The following ATP8A2 variants were observed in gnomAD, a reference collection of about 807,000 sequenced individuals.
The protein encoded by ATP8A2 is ATPase phospholipid transporting 8A2, also known as phospholipid-transporting ATPase IB.
In ATP8A2, 100 loss-of-function variants were observed where a neutral mutation model predicts 165.6. The ratio of observed to expected loss-of-function variants is 0.60; its 90% CI spans 0.51 to 0.71. ATP8A2 has a LOEUF of 0.71. ATP8A2 is among the 30% of genes least tolerant of loss of function. The probability of loss-of-function intolerance (pLI) is 0.00; values close to 1 mark genes in which losing one functional copy is unlikely to be tolerated. For missense variants in ATP8A2, 1,227 were observed against 1,479.5 expected, an observed-to-expected ratio of 0.83 and a Z score of 2.80; for synonymous variants, 543 against 548.8, an observed-to-expected ratio of 0.99 and a Z score of 0.15.
At chr13:25,808,470 A>C (rs1448579777) in intron 27 of ATP8A2, among the ~76,000 whole-genome samples, 2 of 151,834 alleles carry the variant, frequency 1.3e-5, no homozygotes, top group African/African-American at 4.8e-5. Context: ...ATGGTGGTGC[A>C]TGCCTGTAAT....
At chr13:25,436,056 T>G (rs556247003) in intron 1 of ATP8A2, among the ~76,000 whole-genome samples, 3 of 151,922 alleles carry the variant, frequency 2.0e-5, no homozygotes, top group African/African-American at 7.2e-5. Context: ...GTCATAGCCA[T>G]AAAGCTTCAT....
chr13:25,706,705 G>GAACA (rs2043060895), intron 25 of ATP8A2, among the ~76,000 whole-genome samples: 1 of 152,120 alleles, frequency 6.6e-6, no homozygotes, highest in Non-Finnish European at 1.5e-5. Flanking sequence ...TCAGCATCAT[G>GAACA]AACGATTAGT....
At chr13:25,557,274 T>C (rs748126984) in intron 13 of ATP8A2, among the ~76,000 whole-genome samples, 19 of 152,210 alleles carry the variant, frequency 1.2e-4, no homozygotes, top group Non-Finnish European at 2.4e-4. Flanking sequence ...AATCCTCCCA[T>C]TGCCTTTGGG....
At chr13:25,632,694 G>C (rs1332349602) in intron 24 of ATP8A2, among the ~76,000 whole-genome samples, 3 of 152,144 alleles carry the variant, frequency 2.0e-5, no homozygotes, top group Non-Finnish European at 4.4e-5. Flanking sequence ...TGGGCCTTAG[G>C]TAAAGACAGA....
chr13:25,757,306 G>A (rs767670976), intron 25 of ATP8A2, among the ~76,000 whole-genome samples: 25 of 152,180 alleles, frequency 1.6e-4, no homozygotes, highest in East Asian at 5.8e-4. Context: ...GTGGACACAC[G>A]CGTGCTTTCC....
At chr13:25,424,845 C>A (rs755432503) in intron 1 of ATP8A2, among the ~76,000 whole-genome samples, 4 of 152,096 alleles carry the variant, frequency 2.6e-5, no homozygotes, top group African/African-American at 4.8e-5. Flanking sequence ...GTAGTTCCAG[C>A]TACTTGGGAG....
intron 16 of ATP8A2, chr13:25,566,983 C>T (rs943575862): frequency 2.3e-5 from 4 of 173,914 alleles, no homozygotes; most frequent in Non-Finnish European, 3.7e-5. Context: ...GCTACCATAA[C>T]TGTTGACATG....
intron 35 of ATP8A2, among the ~76,000 whole-genome samples, chr13:25,990,928 G>A (rs901933115): frequency 3.3e-5 from 5 of 152,138 alleles, no homozygotes; most frequent in Non-Finnish European, 5.9e-5. Context: ...TAGCAGCCCC[G>A]TGACTCCAAC....
chr13:25,621,226 A>T (rs1035344653), intron 24 of ATP8A2, among the ~76,000 whole-genome samples: 10 of 152,220 alleles, frequency 6.6e-5, no homozygotes, highest in African/African-American at 2.4e-4. Flanking sequence ...ACTAGGAAAG[A>T]TGCTCCTAAT....
In ATP8A2 at chr13:25,513,684, C is replaced by T. The variant is rs539725021; in HGVS notation, c.222-16315C>T. Reference sequence around the variant, plus strand: ...TGGGCACCATTGAGCACTGAGTGAACCAGACTCCGTCTGCAATCCCGGCAC... The same window carrying T: ...TGGGCACCATTGAGCACTGAGTGAATCAGACTCCGTCTGCAATCCCGGCAC... On this transcript the variant is annotated intron_variant, in intron 2 of 36. Transcript: ENST00000381655. Among the ~76,000 whole-genome samples, 20 of 152,104 alleles carry T rather than the reference C, an allele frequency of 1.3e-4. 1 individual carries two copies. The South Asian group carries it at 4.2e-3, about 32-fold the overall frequency.
intron 25 of ATP8A2, among the ~76,000 whole-genome samples, chr13:25,711,797 G>A (rs2043164946): frequency 1.3e-5 from 2 of 152,156 alleles, no homozygotes; most frequent in Admixed American, 1.3e-4. Context: ...GTTAGAATCT[G>A]TAATTCTTAG....
chr13:25,848,917 T>C (rs1468965873), intron 30 of ATP8A2, among the ~76,000 whole-genome samples: 1 of 152,146 alleles, frequency 6.6e-6, no homozygotes, highest in Non-Finnish European at 1.5e-5. Flanking sequence ...AGTTGGAATA[T>C]ATCTTCACTC....
At chr13:25,990,474 G>C (rs1259854079) in intron 35 of ATP8A2, among the ~76,000 whole-genome samples, 1 of 152,188 alleles carries the variant, frequency 6.6e-6, no homozygotes, top group East Asian at 1.9e-4. Flanking sequence ...ACTTGTCCAC[G>C]GGAAGAACAT....
intron 27 of ATP8A2, among the ~76,000 whole-genome samples, chr13:25,776,817 G>T (rs1307286854): frequency 6.6e-6 from 1 of 152,128 alleles, no homozygotes; most frequent in Non-Finnish European, 1.5e-5. Flanking sequence ...TGGCTTTCAC[G>T]GTTTCTTAAT....
At chr13:25,876,967 T>C (rs1290826437) in intron 33 of ATP8A2, among the ~76,000 whole-genome samples, 1 of 152,076 alleles carries the variant, frequency 6.6e-6, no homozygotes, top group Non-Finnish European at 1.5e-5. Flanking sequence ...GAACAGGAAA[T>C]ATAAAATCAA....
chr13:25,410,868 C>A (rs1057187085), intron 1 of ATP8A2, among the ~76,000 whole-genome samples: 5 of 152,214 alleles, frequency 3.3e-5, no homozygotes, highest in African/African-American at 1.2e-4. Context: ...CCCTTCTAGG[C>A]CTGCAGCCTG....
At chr13:25,865,563 T>C (rs1254022928) in intron 33 of ATP8A2, among the ~76,000 whole-genome samples, 5 of 152,216 alleles carry the variant, frequency 3.3e-5, no homozygotes, top group Non-Finnish European at 5.9e-5. Flanking sequence ...ATTTGGAGTT[T>C]TTCTCACGGA....
chr13:25,862,415 A>G lies in ATP8A2; in HGVS notation c.3183+7A>G, dbSNP rs773802861. 3 of 1,600,532 alleles carry G rather than the reference A, an allele frequency of 1.9e-6. No homozygotes were observed. The highest frequency in any genetic ancestry group is 2.6e-6 in the Non-Finnish European group (3 of 1,167,874). On this transcript the variant is annotated splice_region_variant and intron_variant, in intron 33 of 36. Transcript: ENST00000381655. ...TCCAGATATGAGAGGACAGGTAAGT[A>G]CTCCTGATTGGGAGTGTGTCTTCTG...
At position 25,372,168 on chromosome 13, in the gene ATP8A2, C is replaced by A; in HGVS notation, c.-45C>A. ...CCCCTGCGCCCAGCCCTGCGCGTAG[C>A]CTCCGTCTCTCGCCCGGGGCCGCCG... On this transcript the variant is annotated 5_prime_UTR_variant, in exon 1 of 37. Transcript: ENST00000381655. The surrounding 1 kb of genome is among the most constrained non-coding windows in gnomAD (Gnocchi z 4.8). 1 of 1,364,544 alleles carries A rather than the reference C, an allele frequency of 7.3e-7. No homozygotes were observed. The highest frequency in any genetic ancestry group is 9.7e-7 in the Non-Finnish European group (1 of 1,035,164). 84.5% of individuals were successfully genotyped at this position (1,364,544 alleles called of 1,614,324 possible).
Sources: gnomAD v4.1 joint callset for allele counts (sites outside exome capture counted in the v4.1 genomes callset) on GRCh38, gnomAD v4.1.1 for gene constraint, Gnocchi (gnomAD v3.1) non-coding constraint, MANE v1.5 for transcripts, NCBI Gene and HGNC (gene_info 2026-07-23, HGNC 2026-07-21) for gene names.